The following MED12L variants were observed in gnomAD, a reference collection of about 807,000 sequenced individuals.
MED12L encodes mediator complex subunit 12L.
MED12L carries 60 observed loss-of-function variants against 281.3 expected under a neutral mutation model. The ratio of observed to expected loss-of-function variants is 0.21; its 90% CI spans 0.17 to 0.26. The LOEUF (loss-of-function observed/expected upper bound fraction) is 0.26. Ranked by LOEUF, MED12L falls within the 10% of genes least tolerant of loss-of-function variation. MED12L has a pLI of 1.00. For synonymous variants in MED12L, 974 were observed against 987.2 expected, an observed-to-expected ratio of 0.99 and a Z score of 0.25; for missense variants, 2,146 against 2,680.9, an observed-to-expected ratio of 0.80 and a Z score of 4.41.
chr3:151,094,593 C>G (rs1560039525), intron 2 of MED12L, among the ~76,000 whole-genome samples: 2 of 152,156 alleles, frequency 1.3e-5, no homozygotes, highest in Non-Finnish European at 2.9e-5. Context: ...TGATACTGTT[C>G]TCTTTCTCTT....
chr3:151,319,468 C>CGTGTGTGTGT lies in MED12L; in HGVS notation c.2251-30562_2251-30553dup, dbSNP rs34335179. On this transcript the variant is annotated intron_variant, in intron 16 of 44. Coordinates refer to ENST00000687756, the MANE Select transcript of MED12L (RefSeq NM_001393769.1). Reference sequence around the variant, plus strand: ...ACATCCAGGTGTGTGTGTGTGTGTGCGTGTGTGTGTGTGTGTGTGTGTGTG... The same window carrying CGTGTGTGTGT: ...ACATCCAGGTGTGTGTGTGTGTGTGCGTGTGTGTGTGTGTGTGTGTGTGTGTGTGTGTGTG... Among the ~76,000 whole-genome samples, 171 of 145,652 alleles carry CGTGTGTGTGT rather than the reference C, an allele frequency of 1.2e-3. 1 individual carries two copies. The highest frequency in any genetic ancestry group is 3.7e-3 in the African/African-American group (146 of 39,158).
chr3:151,151,974 A>C (rs1329612564), intron 5 of MED12L, among the ~76,000 whole-genome samples: 2 of 152,074 alleles, frequency 1.3e-5, no homozygotes, highest in Non-Finnish European at 2.9e-5. Context: ...AGAGAAAGCA[A>C]CTGGAGCTAG....
intron 16 of MED12L, among the ~76,000 whole-genome samples, chr3:151,250,337 TAC>T (rs1414070598): frequency 6.6e-6 from 1 of 152,202 alleles, no homozygotes; most frequent in Non-Finnish European, 1.5e-5. Flanking sequence ...TGACGTTAAT[TAC>T]ATTCACATTG....
chr3:151,413,082 G>A, intron 41 of MED12L, 57 bp from the exon 42 acceptor site: 1 of 1,570,366 alleles, frequency 6.4e-7, no homozygotes, highest in Non-Finnish European at 8.7e-7. Context: ...TGGTAGCACT[G>A]ATTAAAAGTT....
Position 151,384,139 on chromosome 3 carries a change from C to T in MED12L, c.4847C>T (p.Ala1616Val), listed in dbSNP as rs1398037103. 7 of 1,613,972 alleles carry T rather than the reference C, an allele frequency of 4.3e-6. No individual in the cohort carries two copies. The highest frequency in any genetic ancestry group is 5.9e-6 in the Non-Finnish European group (7 of 1,179,864). ...GGTGTTTTAATCAATGGAACGTTAG[C>T]CTCTGACCTATCAAATGCATCCCCT... ...MLGVLINGTL[A>V]SDLSNASPGG... Residue 1616 changes from alanine (A) to valine (V), a missense_variant, in exon 35 of 45, where the codon GCC (alanine) becomes GTC (valine). Ala to Val is a moderately conservative substitution (Grantham distance 64, BLOSUM62 0). This residue lies in a region of MED12L where 212 missense variants were observed against 340.8 expected (regional missense o/e 0.62). Coordinates refer to ENST00000687756, the MANE Select transcript of MED12L (RefSeq NM_001393769.1).
chr3:151,294,821 T>C lies in MED12L; in HGVS notation c.2251-55238T>C. On this transcript the variant is annotated intron_variant, in intron 16 of 44. Transcript: ENST00000687756. ...AGAGTCCCCAAATGGCTTGACCACCTTCAGATAGCGATCAATGCTTATCAG... is the reference window on the plus strand; with the variant it reads ...AGAGTCCCCAAATGGCTTGACCACCCTCAGATAGCGATCAATGCTTATCAG... The C allele has an allele frequency of 1.9e-6, 3 of 1,614,132 alleles. No homozygotes were observed. The South Asian group carries it at 3.3e-5, about 18-fold the overall frequency.
chr3:151,338,522 C>T (rs1751353334), intron 16 of MED12L: 1 of 1,613,856 alleles, frequency 6.2e-7, no homozygotes, highest in South Asian at 1.1e-5. Context: ...TACTGATATA[C>T]ATTGTGAAAT....
At chr3:151,235,449 T>A (rs1732541693) in intron 16 of MED12L, among the ~76,000 whole-genome samples, 1 of 152,280 alleles carries the variant, frequency 6.6e-6, no homozygotes, top group Non-Finnish European at 1.5e-5. Context: ...CTCATGCTTG[T>A]AATCTCAACA....
intron 16 of MED12L, among the ~76,000 whole-genome samples, chr3:151,315,573 CAA>C (rs910191548): frequency 1.9e-4 from 29 of 152,144 alleles, no homozygotes; most frequent in South Asian, 6.2e-4. Flanking sequence ...AGGTCAGAAA[CAA>C]GAGTCTGAGG....
intron 16 of MED12L, chr3:151,329,101 A>AT: frequency 3.4e-6 from 3 of 870,822 alleles, no homozygotes; most frequent in Non-Finnish European, 5.3e-6. Flanking sequence ...TTATGTTTAT[A>AT]GCATATTAAC....
chr3:151,131,294 C>T (rs758590129), intron 5 of MED12L, among the ~76,000 whole-genome samples: 7 of 152,100 alleles, frequency 4.6e-5, no homozygotes, highest in Admixed American at 1.3e-4. Flanking sequence ...AAACTTAAAA[C>T]GATTTTAGAG....
chr3:151,165,659 T>C, intron 10 of MED12L, 140 bp downstream of exon 10: 1 of 923,128 alleles, frequency 1.1e-6, no homozygotes, highest in Non-Finnish European at 1.7e-6. Flanking sequence ...ATCTTCAGTT[T>C]ATGCCTTTTA....
At chr3:151,411,162 A>G in intron 40 of MED12L, 116 bp from the exon 41 acceptor site, 1 of 812,072 alleles carries the variant, frequency 1.2e-6, no homozygotes, top group Admixed American at 2.3e-5. Context: ...GAACCTTTGA[A>G]AACAGTGAAT....
chr3:151,188,507 A>G, intron 13 of MED12L, 27 bp downstream of exon 13: 1 of 1,564,462 alleles, frequency 6.4e-7, no homozygotes, highest in South Asian at 1.2e-5. Context: ...CTTTGCCTCT[A>G]GATCTTAAAT....
At chr3:151,422,676 G>A (rs1718386245) in intron 43 of MED12L, among the ~76,000 whole-genome samples, 1 of 152,212 alleles carries the variant, frequency 6.6e-6, no homozygotes, top group Admixed American at 6.5e-5. Context: ...GAGGTACTGG[G>A]TGTTACGACT....
intron 16 of MED12L, among the ~76,000 whole-genome samples, chr3:151,284,778 T>C (rs981971181): frequency 6.6e-6 from 1 of 152,148 alleles, no homozygotes; most frequent in Non-Finnish European, 1.5e-5. Context: ...CTGGCTAATT[T>C]TGTATTTTCA....
Position 151,436,653 on chromosome 3 carries a change from A to C in MED12L, c.*3849A>C, listed in dbSNP as rs374459934. 3.5e-6 allele frequency: 5 copies of C among 1,445,448 alleles called. No individual in the cohort carries two copies. In the African/African-American group the frequency reaches 7.1e-5, roughly 21 times the overall value. 89.5% of individuals were successfully genotyped at this position (1,445,448 alleles called of 1,614,324 possible). A position where few individuals can be genotyped will look rare whatever the true frequency, so the allele number is the denominator to read the frequency against. On this transcript the variant is annotated 3_prime_UTR_variant, in exon 45 of 45. Transcript: ENST00000687756. The stretch of plus-strand genomic sequence containing the variant: ...TGATTAAACTTCTTCCAAAAAATAA[A>C]TTCTGCCCAGATGTTGTTGACTTTA...
At chr3:151,305,310 A>G (rs557371891) in intron 16 of MED12L, among the ~76,000 whole-genome samples, 1 of 152,356 alleles carries the variant, frequency 6.6e-6, no homozygotes, top group Admixed American at 6.5e-5. Flanking sequence ...TGGTAGGCCT[A>G]GGTTTCACAG....
intron 39 of MED12L, among the ~76,000 whole-genome samples, chr3:151,405,827 CATTAA>C (rs1174232543): frequency 6.6e-6 from 1 of 152,116 alleles, no homozygotes; most frequent in African/African-American, 2.4e-5. Flanking sequence ...AGATGCTAAA[CATTAA>C]ATTAAATTTG....
Sources: gnomAD v4.1 joint callset for allele counts (sites outside exome capture counted in the v4.1 genomes callset) on GRCh38, gnomAD v4.1.1 for gene constraint, gnomAD v4.1.1 regional missense constraint, MANE v1.5 for transcripts, NCBI Gene and HGNC (gene_info 2026-07-23, HGNC 2026-07-21) for gene names.